Variants in AHI1 observed in about 807,000 individuals in gnomAD.
AHI1 encodes Abelson helper integration site 1, also known as jouberin.
Under a neutral mutation model 149.3 loss-of-function variants are expected in AHI1, and 123 were observed. That is an observed-to-expected ratio of 0.82 (90% CI 0.71 to 0.96). The LOEUF is 0.96. Ranked by LOEUF, AHI1 falls within the 40% of genes least tolerant of loss-of-function variation. The pLI, the probability that AHI1 is intolerant of heterozygous loss-of-function variation, is 0.00. For missense variants in AHI1, 1,439 were observed against 1,422.7 expected, an observed-to-expected ratio of 1.01 and a Z score of -0.18; for synonymous variants, 475 against 459.8, an observed-to-expected ratio of 1.03 and a Z score of -0.42.
chr6:135,299,285 T>C (rs1326724512), intron 27 of AHI1, among the ~76,000 whole-genome samples: 1 of 152,250 alleles, frequency 6.6e-6, no homozygotes, highest in Non-Finnish European at 1.5e-5. Flanking sequence ...TGCATGATTT[T>C]ATTAGACAAT....
intron 11 of AHI1, 75 bp downstream of exon 11, chr6:135,453,266 A>C (rs755913155): frequency 5.1e-6 from 6 of 1,168,196 alleles, no homozygotes; most frequent in Non-Finnish European, 6.3e-6. Flanking sequence ...TATGAGACCA[A>C]ACTGATTTGG....
chr6:135,407,201 C>A (rs1780915001), intron 21 of AHI1, among the ~76,000 whole-genome samples: 1 of 152,146 alleles, frequency 6.6e-6, no homozygotes. Context: ...AATTCACTCA[C>A]ACATACCCCA....
chr6:135,426,649 A>G (rs2128004450), intron 20 of AHI1, among the ~76,000 whole-genome samples: 1 of 151,824 alleles, frequency 6.6e-6, no homozygotes, highest in Non-Finnish European at 1.5e-5. Flanking sequence ...ACCAGCATAT[A>G]TCCAAAGAAT....
intron 7 of AHI1, among the ~76,000 whole-genome samples, chr6:135,464,704 C>T (rs183232336): frequency 2.5e-3 from 375 of 152,224 alleles, no homozygotes; most frequent in African/African-American, 8.5e-3. Flanking sequence ...ACTGGTATAC[C>T]GGGCCCAAAG....
chr6:135,312,552 G>C (rs190426212), intron 26 of AHI1, among the ~76,000 whole-genome samples: 7 of 152,034 alleles, frequency 4.6e-5, no homozygotes, highest in Non-Finnish European at 8.8e-5. Context: ...AACCAACCAA[G>C]CAACCAAACA....
Position 135,492,287 on chromosome 6 carries a change from G to A in AHI1, c.-50C>T. 6.6e-7 allele frequency: 1 copy of A among 1,515,434 alleles called. No homozygotes were observed. Among genetic ancestry groups the A allele is most frequent in the African/African-American group, 1.4e-5 (1 of 72,292 alleles). The allele number at this position is 1,515,434 out of a possible 1,614,324, so 93.9% of individuals were successfully genotyped here. Reference sequence around the variant, plus strand: ...AGAATGCAAAGCATTGACTCAATCAGGATCCTATCGAAACAAAGGAGATGT... The same window carrying A: ...AGAATGCAAAGCATTGACTCAATCAAGATCCTATCGAAACAAAGGAGATGT... On this transcript the variant is annotated 5_prime_UTR_variant, in exon 4 of 29. Transcript: ENST00000265602.
Position 135,404,940 on chromosome 6 carries a change from A to G in AHI1, c.2988+11T>C, listed in dbSNP as rs1289650803. On this transcript the variant is annotated intron_variant, in intron 22 of 28. Transcript: ENST00000265602. ...TTTGAAGTTATCTTCCTGGTAATAA[A>G]AACTACTTACTTTTGCAGCACAGGA... The G allele has an allele frequency of 1.2e-6, 2 of 1,607,364 alleles. No homozygotes were observed. The highest frequency in any genetic ancestry group is 1.7e-6 in the Non-Finnish European group (2 of 1,174,526).
At chr6:135,335,502 T>C (rs1349712331) in intron 24 of AHI1, among the ~76,000 whole-genome samples, 1 of 151,974 alleles carries the variant, frequency 6.6e-6, no homozygotes, top group Non-Finnish European at 1.5e-5. Flanking sequence ...ACATTGTATT[T>C]GGTTTGGTAT....
At chr6:135,366,154 T>C (rs764574107) in intron 23 of AHI1, among the ~76,000 whole-genome samples, 15 of 152,214 alleles carry the variant, frequency 9.9e-5, no homozygotes, top group South Asian at 2.1e-4. Flanking sequence ...TGGTACATTA[T>C]CTTTTTGATA....
At chr6:135,308,241 G>A (rs1206604977) in intron 26 of AHI1, among the ~76,000 whole-genome samples, 1 of 151,986 alleles carries the variant, frequency 6.6e-6, no homozygotes, top group African/African-American at 2.4e-5. Flanking sequence ...TTAATCCTCC[G>A]CTTTTTTTTT....
intron 6 of AHI1, among the ~76,000 whole-genome samples, chr6:135,467,232 A>G (rs773615856): frequency 6.6e-6 from 1 of 152,266 alleles, no homozygotes; most frequent in Non-Finnish European, 1.5e-5. Flanking sequence ...TCTCAAATGT[A>G]AAGATGGCTT....
At position 135,323,251 on chromosome 6, in the gene AHI1, A is replaced by C. The variant is rs1034288915; in HGVS notation, c.3239T>G (p.Val1080Gly). Residue 1080 changes from valine to glycine, a missense_variant, in exon 25 of 29, where the codon GTG becomes GGG. By Grantham distance (109) the Val-to-Gly change is moderately radical. Coordinates refer to ENST00000265602, the MANE Select transcript of AHI1 (RefSeq NM_001134831.2). ...LTIHRGDIIR[V>G]FFKDNEDWWY... ...CCAGTCTTCATTATCTTTGAAAAACACTCGGATAATGTCTCCGCGATGGAT... is the reference window on the plus strand; with the variant it reads ...CCAGTCTTCATTATCTTTGAAAAACCCTCGGATAATGTCTCCGCGATGGAT... 1.2e-6 allele frequency: 2 copies of C among 1,613,682 alleles called. No individual in the cohort carries two copies. The highest frequency in any genetic ancestry group is 2.7e-5 in the African/African-American group (2 of 74,916).
At chr6:135,391,131 G>A (rs1176599316) in intron 23 of AHI1, among the ~76,000 whole-genome samples, 2 of 152,108 alleles carry the variant, frequency 1.3e-5, no homozygotes, top group African/African-American at 2.4e-5. Flanking sequence ...CATCTCATAG[G>A]AGCTGTATCC....
At chr6:135,362,278 C>G (rs1402937376) in intron 23 of AHI1, among the ~76,000 whole-genome samples, 2 of 152,098 alleles carry the variant, frequency 1.3e-5, no homozygotes, top group East Asian at 3.8e-4. Flanking sequence ...CTTTTTTGTA[C>G]AGTGACTTTT....
intron 11 of AHI1, 100 bp from the exon 12 acceptor site, chr6:135,448,575 T>C (rs1787602646): frequency 2.2e-6 from 2 of 919,558 alleles, no homozygotes; most frequent in East Asian, 2.7e-5. Flanking sequence ...AAGATTAATA[T>C]GGCATGCTGA....
intron 11 of AHI1, among the ~76,000 whole-genome samples, chr6:135,450,640 G>A (rs1179957317): frequency 6.6e-6 from 1 of 152,218 alleles, no homozygotes; most frequent in African/African-American, 2.4e-5. Flanking sequence ...ATTTTAAAAA[G>A]ATATTCCCCA....
chr6:135,298,064 T>C (rs56960340), intron 27 of AHI1, among the ~76,000 whole-genome samples: 186 of 152,276 alleles, frequency 1.2e-3, no homozygotes, highest in African/African-American at 4.1e-3. Flanking sequence ...CAGGCTATAT[T>C]AGTTAACTAT....
chr6:135,490,370 C>T (rs1795082696), intron 5 of AHI1: 3 of 654,152 alleles, frequency 4.6e-6, no homozygotes, highest in Non-Finnish European at 8.2e-6. Context: ...TTTTGAGTTT[C>T]CCCACTATCT....
At chr6:135,488,064 T>G (rs1794729361) in intron 5 of AHI1, among the ~76,000 whole-genome samples, 1 of 152,192 alleles carries the variant, frequency 6.6e-6, no homozygotes, top group Non-Finnish European at 1.5e-5. Flanking sequence ...TTGGATTTAG[T>G]GTTTTTACAG....
Sources: gnomAD v4.1 joint callset for allele counts (sites outside exome capture counted in the v4.1 genomes callset) on GRCh38, gnomAD v4.1.1 for gene constraint, MANE v1.5 for transcripts, NCBI Gene and HGNC (gene_info 2026-07-23, HGNC 2026-07-21) for gene names.